The following NFYA variants were observed in gnomAD, a reference collection of about 807,000 sequenced individuals.
NFYA encodes the protein nuclear transcription factor Y subunit alpha.
A neutral mutation model predicts 52.8 loss-of-function variants in NFYA; 28 were observed. The ratio of observed to expected loss-of-function variants is 0.53; its 90% confidence interval spans 0.39 to 0.73. The LOEUF (loss-of-function observed/expected upper bound fraction) is 0.73, where lower values mean the gene tolerates loss of function less well. Ranked by LOEUF, NFYA falls within the 30% of genes least tolerant of loss-of-function variation. NFYA has a pLI of 0.00. For missense variants in NFYA, 234 were observed against 427.0 expected, an observed-to-expected ratio of 0.55 and a Z score of 3.98; for synonymous variants, 150 against 150.7, an observed-to-expected ratio of 1.00 and a Z score of 0.03.
chr6:41,098,061 C>T lies in NFYA; in HGVS notation c.*651C>T, dbSNP rs907028017. 3.3e-5 allele frequency: 5 copies of T among 152,656 alleles called. No homozygotes were observed. The highest frequency in any genetic ancestry group is 1.5e-5 in the Non-Finnish European group (1 of 68,068). The allele number at this position is 152,656 out of a possible 1,614,324, so 9.5% of individuals were successfully genotyped here. A position where few individuals can be genotyped will look rare whatever the true frequency, so the allele number is the denominator to read the frequency against. On this transcript the variant is annotated 3_prime_UTR_variant, in exon 10 of 10. Coordinates refer to ENST00000341376, the MANE Select transcript of NFYA (RefSeq NM_002505.5). Reference sequence around the variant, plus strand: ...GGGATAGAATGATAAAAGACTCAAGCACTAAAAATATACATTGCCGAATCT... The same window carrying T: ...GGGATAGAATGATAAAAGACTCAAGTACTAAAAATATACATTGCCGAATCT...
intron 8 of NFYA, 87 bp downstream of exon 8, chr6:41,093,172 C>T (rs1444048080): frequency 8.3e-6 from 10 of 1,199,296 alleles, no homozygotes; most frequent in Middle Eastern, 2.3e-4. Flanking sequence ...TGTTTTCTCA[C>T]GTACCTTCCA....
chr6:41,096,914 A>C (rs1465376804), intron 9 of NFYA, among the ~76,000 whole-genome samples: 1 of 152,234 alleles, frequency 6.6e-6, no homozygotes, highest in African/African-American at 2.4e-5. Flanking sequence ...AAACGAGTAC[A>C]TTAAAGTGTA....
chr6:41,096,067 T>C (rs1764348506), intron 9 of NFYA, among the ~76,000 whole-genome samples: 1 of 152,218 alleles, frequency 6.6e-6, no homozygotes, highest in Non-Finnish European at 1.5e-5. Flanking sequence ...TATATAGTAC[T>C]TATACAGTAC....
rs1159798540 is a variant in NFYA, at chr6:41,099,966, AT to A, written c.*2557del. 2.0e-5 allele frequency: 3 copies of A among 152,212 alleles called. No individual in the cohort carries two copies. Among genetic ancestry groups the A allele is most frequent in the Admixed American group, 2.0e-4 (3 of 15,286 alleles). The allele number at this position is 152,212 out of a possible 1,614,324, so 9.4% of individuals were successfully genotyped here. On this transcript the variant is annotated 3_prime_UTR_variant, in exon 10 of 10. Coordinates refer to ENST00000341376, the MANE Select transcript of NFYA (RefSeq NM_002505.5). ...TATTTTTTAAAATAAATTTATAAAA[AT>A]AACCGAAAAGTAATGTGACTTTTGA...
chr6:41,078,442 T>C (rs1428079544), intron 1 of NFYA, among the ~76,000 whole-genome samples: 2 of 152,030 alleles, frequency 1.3e-5, no homozygotes, highest in African/African-American at 4.8e-5. Context: ...ATATCTGTCC[T>C]CCCTCCCATA....
At position 41,098,960 on chromosome 6, in the gene NFYA, G is replaced by C. The variant is rs1392710570; in HGVS notation, c.*1550G>C. ...ACCCAATAATTCCGAGGAACATTGG[G>C]GGTTAAATACCAAGAATAAAAATTG... On this transcript the variant is annotated 3_prime_UTR_variant, in exon 10 of 10. Coordinates refer to ENST00000341376, the MANE Select transcript of NFYA (RefSeq NM_002505.5). The C allele has an allele frequency of 6.6e-6, 1 of 152,158 alleles. No homozygotes were observed. Among genetic ancestry groups the C allele is most frequent in the African/African-American group, 2.4e-5 (1 of 41,396 alleles). The allele number at this position is 152,158 out of a possible 1,614,324, so 9.4% of individuals were successfully genotyped here.
At chr6:41,074,423 C>T (rs1056971327) in intron 1 of NFYA, among the ~76,000 whole-genome samples, 1 of 152,162 alleles carries the variant, frequency 6.6e-6, no homozygotes, top group Non-Finnish European at 1.5e-5. Context: ...TAATACCTAA[C>T]GGTTAGTGCT....
chr6:41,081,018 G>T, intron 3 of NFYA, 121 bp downstream of exon 3: 1 of 705,704 alleles, frequency 1.4e-6, no homozygotes. Context: ...CTTTGATGCT[G>T]CTAACTTGTC....
At chr6:41,080,757 A>T in intron 2 of NFYA, 54 bp from the exon 3 acceptor site, 1 of 1,457,742 alleles carries the variant, frequency 6.9e-7, no homozygotes, top group East Asian at 2.3e-5. Flanking sequence ...CTGTGTCTTG[A>T]ACTACACATT....
At position 41,091,752 on chromosome 6, in the gene NFYA, T is replaced by C. The variant is rs541690672; in HGVS notation, c.714+58T>C. ...AAATTTTCTTGAACATGCAACTTGA[T>C]GCCTCCTAAAATTTATTATGTTGAC... On this transcript the variant is annotated intron_variant, in intron 7 of 9. Coordinates refer to ENST00000341376, the MANE Select transcript of NFYA (RefSeq NM_002505.5). 325 of 1,582,698 alleles carry C rather than the reference T, an allele frequency of 2.1e-4. 1 individual carries two copies. In the African/African-American group the frequency reaches 3.9e-3, roughly 19 times the overall value.
Position 41,101,650 on chromosome 6 carries a change from A to G in NFYA, c.*4240A>G, listed in dbSNP as rs1344468447. Among the ~76,000 whole-genome samples the G allele has an allele frequency of 6.6e-6, 1 of 152,146 alleles. No homozygotes were observed. The highest frequency in any genetic ancestry group is 1.9e-4 in the East Asian group (1 of 5,182). On this transcript the variant is annotated 3_prime_UTR_variant, in exon 10 of 10. Transcript: ENST00000341376. ...CTTACTCTGTGTCAGGGATATGAAG[A>G]TGGGTAATACCAGGTGCCTGTCCTC...
intron 9 of NFYA, 141 bp from the exon 10 acceptor site, chr6:41,097,216 A>G (rs1764383129): frequency 7.0e-6 from 5 of 713,176 alleles, no homozygotes; most frequent in Non-Finnish European, 1.2e-5. Flanking sequence ...TAAGCCATGT[A>G]TGCAGACTTA....
Position 41,100,374 on chromosome 6 carries a change from A to C in NFYA, c.*2964A>C, listed in dbSNP as rs1764466176. ...TTTGGCAGAAGACCAAAACAAAAGT[A>C]CTTTTCTGATTGTTAAAAATCCACA... is the stretch of plus-strand genomic sequence containing the variant. On this transcript the variant is annotated 3_prime_UTR_variant, in exon 10 of 10. Transcript: ENST00000341376. Among the ~76,000 whole-genome samples the C allele has an allele frequency of 6.6e-6, 1 of 152,230 alleles. No homozygotes were observed. Among genetic ancestry groups the C allele is most frequent in the South Asian group, 2.1e-4 (1 of 4,828 alleles).
intron 7 of NFYA, among the ~76,000 whole-genome samples, chr6:41,092,518 T>C (rs900998596): frequency 6.6e-6 from 1 of 152,218 alleles, no homozygotes; most frequent in Non-Finnish European, 1.5e-5. Context: ...AAAATTAGGA[T>C]TGAATTATAA....
chr6:41,076,821 C>T (rs1763744177), intron 1 of NFYA, among the ~76,000 whole-genome samples: 1 of 152,320 alleles, frequency 6.6e-6, no homozygotes, highest in Non-Finnish European at 1.5e-5. Flanking sequence ...CTAACTGAAG[C>T]TCACAGTAGT....
intron 1 of NFYA, among the ~76,000 whole-genome samples, chr6:41,077,228 T>C (rs1046771096): frequency 2.0e-5 from 3 of 152,186 alleles, no homozygotes; most frequent in Non-Finnish European, 2.9e-5. Flanking sequence ...AAAATCAATT[T>C]ATTGAGAGAT....
intron 2 of NFYA, among the ~76,000 whole-genome samples, chr6:41,080,031 C>T (rs1015219294): frequency 2.0e-5 from 3 of 152,166 alleles, no homozygotes; most frequent in African/African-American, 7.2e-5. Flanking sequence ...AAGGGCCCTC[C>T]ATTCACACCA....
intron 1 of NFYA, among the ~76,000 whole-genome samples, chr6:41,077,455 T>C (rs1763771480): frequency 6.6e-6 from 1 of 152,230 alleles, no homozygotes; most frequent in African/African-American, 2.4e-5. Flanking sequence ...TCTAGATTAC[T>C]GATGTCTTTT....
chr6:41,093,160 C>A, intron 8 of NFYA, 75 bp downstream of exon 8: 2 of 1,340,680 alleles, frequency 1.5e-6, no homozygotes, highest in South Asian at 1.4e-5. Context: ...TTTTATATGG[C>A]TTGTTTTCTC....
Sources: gnomAD v4.1 joint callset for allele counts (sites outside exome capture counted in the v4.1 genomes callset) on GRCh38, gnomAD v4.1.1 for gene constraint, MANE v1.5 for transcripts, NCBI Gene and HGNC (gene_info 2026-07-23, HGNC 2026-07-21) for gene names.